The following DNAH7 variants were observed in gnomAD, a reference collection of about 807,000 sequenced individuals.
The protein encoded by DNAH7 is dynein axonemal heavy chain 7.
Under a neutral mutation model 444.6 loss-of-function variants are expected in DNAH7, and 397 were observed. The observed-to-expected ratio is 0.89, with a 90% CI of 0.82 to 0.97. The LOEUF is 0.97. Ranked by LOEUF, DNAH7 falls within the 50% of genes least tolerant of loss-of-function variation. The probability of loss-of-function intolerance (pLI) is 0.00; values close to 1 mark genes in which losing one functional copy is unlikely to be tolerated. For missense variants in DNAH7, 4,902 were observed against 4,800.8 expected (o/e 1.02, Z -0.62); for synonymous variants, 1,636 against 1,624.4 (o/e 1.01, Z -0.17).
chr2:195,971,652 C>T (rs564504180), intron 16 of DNAH7, among the ~76,000 whole-genome samples: 30 of 152,086 alleles, frequency 2.0e-4, no homozygotes, highest in African/African-American at 7.0e-4. Flanking sequence ...GGAGAGCAGA[C>T]ATCTAGAAGT....
intron 60 of DNAH7, among the ~76,000 whole-genome samples, chr2:195,775,130 A>AATCT (rs1172604934): frequency 6.6e-6 from 1 of 152,170 alleles, no homozygotes; most frequent in East Asian, 1.9e-4. Flanking sequence ...TGATAAACCC[A>AATCT]ATCTATCTCT....
At chr2:195,866,256 G>A (rs1351792371) in intron 40 of DNAH7, among the ~76,000 whole-genome samples, 1 of 151,968 alleles carries the variant, frequency 6.6e-6, no homozygotes, top group Non-Finnish European at 1.5e-5. Context: ...GATAATTACT[G>A]CAAATTGCCC....
intron 8 of DNAH7, among the ~76,000 whole-genome samples, chr2:196,021,988 G>A (rs1002191701): frequency 1.1e-4 from 16 of 151,964 alleles, no homozygotes; most frequent in Admixed American, 5.2e-4. Context: ...TTAGCCAGGC[G>A]TGGTGGTGCA....
intron 10 of DNAH7, among the ~76,000 whole-genome samples, chr2:196,009,480 T>A (rs535660338): frequency 6.6e-6 from 1 of 152,296 alleles, no homozygotes; most frequent in South Asian, 2.1e-4. Context: ...CTTGGCCTAG[T>A]AATGGTTCAC....
intron 47 of DNAH7, among the ~76,000 whole-genome samples, chr2:195,835,114 C>T (rs1183438509): frequency 6.6e-6 from 1 of 152,018 alleles, no homozygotes; most frequent in Non-Finnish European, 1.5e-5. Context: ...GATATTCAAC[C>T]ACATAGCTTT....
chr2:196,026,324 T>C (rs1695685029), intron 7 of DNAH7, among the ~76,000 whole-genome samples: 2 of 152,216 alleles, frequency 1.3e-5, no homozygotes, highest in African/African-American at 4.8e-5. Flanking sequence ...ATGACATCGG[T>C]AATACTAATG....
intron 58 of DNAH7, among the ~76,000 whole-genome samples, chr2:195,781,331 A>C (rs1230098369): frequency 1.3e-5 from 2 of 152,164 alleles, no homozygotes; most frequent in Non-Finnish European, 2.9e-5. Context: ...CATAGATGAG[A>C]TATGGAGGAG....
At chr2:196,066,362 T>A (rs1173058554) in intron 1 of DNAH7, among the ~76,000 whole-genome samples, 3 of 152,218 alleles carry the variant, frequency 2.0e-5, no homozygotes, top group Non-Finnish European at 2.9e-5. Context: ...TTCCCCTTTT[T>A]AAGCAATGAC....
intron 1 of DNAH7, 31 bp from the exon 2 acceptor site, chr2:196,058,147 T>A: frequency 6.5e-7 from 1 of 1,542,014 alleles, no homozygotes. Flanking sequence ...AACAAAACTG[T>A]TTACTCCGTT....
chr2:195,953,468 G>C (rs758606459), intron 19 of DNAH7, among the ~76,000 whole-genome samples: 1 of 152,172 alleles, frequency 6.6e-6, no homozygotes, highest in Non-Finnish European at 1.5e-5. Flanking sequence ...GCGCTGTGCT[G>C]GGTGATCCAC....
At chr2:195,929,056 G>A (rs969844033) in intron 21 of DNAH7, among the ~76,000 whole-genome samples, 2 of 151,778 alleles carry the variant, frequency 1.3e-5, no homozygotes, top group African/African-American at 2.4e-5. Context: ...TACAAAAATC[G>A]GTAACATTTC....
In DNAH7 at chr2:195,834,349, C is replaced by T. The variant is rs1438159132; in HGVS notation, c.8957G>A (p.Arg2986Lys). 7.5e-6 allele frequency: 12 copies of T among 1,591,644 alleles called. No individual in the cohort carries two copies. Among genetic ancestry groups the T allele is most frequent in the Non-Finnish European group, 1.0e-5 (12 of 1,163,312 alleles). The stretch of plus-strand genomic sequence containing the variant: ...TTGAGGATCTATCATCAGAGGCCAC[C>T]TTCTTGCATTCCTGAAAAGGAGGAG... ...DNGIIIMNAR[R>K]WPLMIDPQSQ... Residue 2986 changes from arginine (R) to lysine (K), a missense_variant, in exon 48 of 65, where the codon AGG (arginine) becomes AAG (lysine). By Grantham distance (26) the Arg-to-Lys change is conservative. Coordinates refer to ENST00000312428, the MANE Select transcript of DNAH7 (RefSeq NM_018897.3).
chr2:195,970,772 CA>C (rs1691787863), intron 16 of DNAH7, among the ~76,000 whole-genome samples: 1 of 152,022 alleles, frequency 6.6e-6, no homozygotes, highest in African/African-American at 2.4e-5. Flanking sequence ...ATAAAATATT[CA>C]AAAAATTTAG....
intron 49 of DNAH7, among the ~76,000 whole-genome samples, chr2:195,819,379 C>A (rs1449297531): frequency 6.6e-6 from 1 of 152,150 alleles, no homozygotes; most frequent in Non-Finnish European, 1.5e-5. Context: ...TTGTTCAGCA[C>A]AAAGTCATGC....
rs1449379967 is a variant in DNAH7 at position 195,809,800 on chromosome 2, T to C, written c.9833A>G (p.Asp3278Gly). The C allele has an allele frequency of 6.2e-7, 1 of 1,601,606 alleles. No homozygotes were observed. The highest frequency in any genetic ancestry group is 8.5e-7 in the Non-Finnish European group (1 of 1,173,366). ...TAGACAAAAGGAAAAGAGCAGCTTA[T>C]CCTTTTCAAAGAGTGACCGGCAGAC... ...VNVCRSLFEKDKLLFSFCLTI... is the reference protein window; with the variant it reads ...VNVCRSLFEKGKLLFSFCLTI... The change falls in exon 52 of 65, where the codon GAT (aspartate) becomes GGT (glycine). Residue 3278 changes from aspartate (D) to glycine (G), a missense_variant. Asp to Gly is a moderately conservative substitution (Grantham distance 94). Transcript: ENST00000312428.
intron 47 of DNAH7, among the ~76,000 whole-genome samples, chr2:195,838,611 T>C (rs909895516): frequency 3.9e-5 from 6 of 151,910 alleles, no homozygotes; most frequent in African/African-American, 1.4e-4. Context: ...GATGAATATA[T>C]ATAGTCCAAT....
Position 195,888,978 on chromosome 2 carries a change from G to A in DNAH7, c.5050C>T (p.Pro1684Ser). Residue 1684 changes from proline to serine, a missense_variant, in exon 32 of 65, where the codon CCA becomes TCA. Physicochemically the swap from Pro to Ser is moderately conservative, Grantham distance 74 (BLOSUM62 -1). Transcript: ENST00000312428. ...TCAAAAATTAACCATTTCCTATCTG[G>A]AGTCTGTTTCATGCATATGTGAACA... Reference protein sequence around the residue: ...SFRAFASSVTPDRKWLIFDGP... With the variant: ...SFRAFASSVTSDRKWLIFDGP... 1.9e-6 allele frequency: 3 copies of A among 1,612,160 alleles called. No homozygotes were observed. The highest frequency in any genetic ancestry group is 2.2e-5 in the South Asian group (2 of 90,298).
chr2:196,034,549 G>C (rs1448625645), intron 5 of DNAH7, among the ~76,000 whole-genome samples: 1 of 152,080 alleles, frequency 6.6e-6, no homozygotes, highest in East Asian at 1.9e-4. Flanking sequence ...AATATATGTA[G>C]AAATGCAAAA....
chr2:195,771,970 T>C, intron 60 of DNAH7, 80 bp from the exon 61 acceptor site: 1 of 1,193,696 alleles, frequency 8.4e-7, no homozygotes. Flanking sequence ...CTAAGGTAAA[T>C]CTTTATAAGA....
Sources: allele counts gnomAD v4.1 joint callset (sites outside exome capture counted in the v4.1 genomes callset), GRCh38; gene constraint gnomAD v4.1.1; transcripts MANE v1.5; gene names NCBI Gene and HGNC (gene_info 2026-07-23, HGNC 2026-07-21).